The following DSCAM variants were observed in gnomAD, a reference collection of about 807,000 sequenced individuals.
DSCAM encodes DS cell adhesion molecule.
In DSCAM, 47 loss-of-function variants were observed where a neutral mutation model predicts 217.7. The ratio of observed to expected loss-of-function variants is 0.22; its 90% confidence interval spans 0.17 to 0.28. DSCAM has a LOEUF of 0.28. DSCAM is among the 10% of genes least tolerant of loss of function. The pLI, the probability that DSCAM is intolerant of heterozygous loss-of-function variation, is 1.00. For synonymous variants in DSCAM, 1,056 were observed against 1,015.3 expected (o/e 1.04, Z -0.76); for missense variants, 2,080 against 2,618.3 (o/e 0.79, Z 4.49).
intron 20 of DSCAM, among the ~76,000 whole-genome samples, chr21:40,095,923 T>C: frequency 6.6e-6 from 1 of 152,014 alleles, no homozygotes; most frequent in East Asian, 1.9e-4. Context: ...ATGCATGAAA[T>C]AAAAAATACA....
chr21:40,647,289 T>C lies in DSCAM; in HGVS notation c.508+45521A>G, dbSNP rs372958525. ...AGTTCCTGTGTGGGTGAGCACTGTT[T>C]GTATATTTATATCCTTATTTCTGGA... On this transcript the variant is annotated intron_variant, in intron 3 of 32. Coordinates refer to ENST00000400454, the MANE Select transcript of DSCAM (RefSeq NM_001389.5). Among the ~76,000 whole-genome samples the C allele has an allele frequency of 1.1e-3, 162 of 152,338 alleles. 3 individuals are homozygous for C. Among genetic ancestry groups the C allele is most frequent in the African/African-American group, 3.6e-3 (151 of 41,586 alleles).
At chr21:40,634,699 C>T (rs1031643682) in intron 3 of DSCAM, among the ~76,000 whole-genome samples, 2 of 152,172 alleles carry the variant, frequency 1.3e-5, no homozygotes, top group Non-Finnish European at 2.9e-5. Context: ...GTGTGAACTT[C>T]AGTGTATTCA....
At chr21:40,534,869 T>A (rs1568885704) in intron 3 of DSCAM, among the ~76,000 whole-genome samples, 1 of 152,192 alleles carries the variant, frequency 6.6e-6, no homozygotes, top group African/African-American at 2.4e-5. Context: ...CATGGGCGGT[T>A]GTAATGATTT....
At chr21:40,411,175 TACACACAC>T (rs902494368) in intron 3 of DSCAM, among the ~76,000 whole-genome samples, 260 of 45,136 alleles carry the variant, frequency 5.8e-3, no homozygotes, top group Non-Finnish European at 6.0e-3. Context: ...AGTAATTATA[TACACACAC>T]ACACACACAC....
chr21:40,327,900 C>T (rs1421056130), intron 8 of DSCAM, among the ~76,000 whole-genome samples: 1 of 151,930 alleles, frequency 6.6e-6, no homozygotes, highest in Admixed American at 6.6e-5. Flanking sequence ...TTTACAATAG[C>T]TACAAAAACT....
intron 1 of DSCAM, among the ~76,000 whole-genome samples, chr21:40,808,776 C>T (rs890563139): frequency 2.0e-5 from 3 of 152,118 alleles, no homozygotes; most frequent in African/African-American, 4.8e-5. Context: ...TGCCCAGGCC[C>T]ATTCTCATAA....
intron 3 of DSCAM, among the ~76,000 whole-genome samples, chr21:40,498,338 C>A (rs1473097545): frequency 6.6e-6 from 1 of 151,878 alleles, no homozygotes; most frequent in Non-Finnish European, 1.5e-5. Context: ...ATACGCCACA[C>A]CTGCTCTGCA....
chr21:40,068,014 C>T (rs1000681331), intron 27 of DSCAM, among the ~76,000 whole-genome samples: 17 of 151,968 alleles, frequency 1.1e-4, no homozygotes, highest in Admixed American at 6.6e-5. Context: ...TCAGACTTCG[C>T]GACATCTTTT....
chr21:40,298,326 C>T (rs1381654991), intron 9 of DSCAM, among the ~76,000 whole-genome samples: 3 of 151,836 alleles, frequency 2.0e-5, no homozygotes, highest in African/African-American at 7.2e-5. Context: ...CGTGATCCAC[C>T]AGCCTCAGCC....
At chr21:40,113,777 CAG>C (rs1391285216) in intron 20 of DSCAM, among the ~76,000 whole-genome samples, 5 of 152,156 alleles carry the variant, frequency 3.3e-5, no homozygotes, top group African/African-American at 9.7e-5. Context: ...AACAGACAAA[CAG>C]AGAGCCAAAT....
At chr21:40,401,364 T>C (rs772066104) in intron 3 of DSCAM, among the ~76,000 whole-genome samples, 10 of 149,672 alleles carry the variant, frequency 6.7e-5, no homozygotes, top group Non-Finnish European at 1.5e-4. Context: ...AATAATTATA[T>C]GGCTGCATAA....
chr21:40,519,982 A>C (rs984223117), intron 3 of DSCAM, among the ~76,000 whole-genome samples: 1 of 152,056 alleles, frequency 6.6e-6, no homozygotes, highest in Non-Finnish European at 1.5e-5. Flanking sequence ...CCTTCTTATA[A>C]CATTCTAGAC....
At chr21:40,583,906 T>A (rs371174571) in intron 3 of DSCAM, among the ~76,000 whole-genome samples, 1 of 140,122 alleles carries the variant, frequency 7.1e-6, no homozygotes. Context: ...TAAAGTCTAT[T>A]AAAAAAAAAA....
At chr21:40,317,753 G>C (rs540201635) in intron 8 of DSCAM, among the ~76,000 whole-genome samples, 1 of 152,072 alleles carries the variant, frequency 6.6e-6, no homozygotes, top group South Asian at 2.1e-4. Context: ...GGCTGGTCTC[G>C]AACTCCTGAC....
intron 1 of DSCAM, among the ~76,000 whole-genome samples, chr21:40,735,084 ACT>A (rs2091050027): frequency 6.6e-6 from 1 of 152,176 alleles, no homozygotes; most frequent in Non-Finnish European, 1.5e-5. Flanking sequence ...GGAATTCATT[ACT>A]CTCTGTTCTC....
chr21:40,269,289 G>A (rs556494212), intron 11 of DSCAM, among the ~76,000 whole-genome samples: 4 of 152,224 alleles, frequency 2.6e-5, no homozygotes, highest in South Asian at 2.1e-4. Context: ...TTAAGAATAC[G>A]GAAATCTTCT....
At chr21:40,204,159 T>C (rs77913773) in intron 11 of DSCAM, among the ~76,000 whole-genome samples, 1 of 152,220 alleles carries the variant, frequency 6.6e-6, no homozygotes, top group Non-Finnish European at 1.5e-5. Context: ...TTCAAAGAGA[T>C]TGCTGCTACA....
intron 3 of DSCAM, among the ~76,000 whole-genome samples, chr21:40,485,130 T>C (rs2076014300): frequency 6.6e-6 from 1 of 152,074 alleles, no homozygotes; most frequent in South Asian, 2.1e-4. Context: ...CAAGACTCAC[T>C]GAGGTCCCTT....
intron 3 of DSCAM, among the ~76,000 whole-genome samples, chr21:40,524,298 CCTTT>C (rs1324395680): frequency 1.3e-5 from 2 of 151,960 alleles, no homozygotes; most frequent in Non-Finnish European, 2.9e-5. Context: ...TTTTCCGAAA[CCTTT>C]ATTTTTCGTT....
Sources: gnomAD v4.1 joint callset for allele counts (sites outside exome capture counted in the v4.1 genomes callset) on GRCh38, gnomAD v4.1.1 for gene constraint, MANE v1.5 for transcripts, NCBI Gene and HGNC (gene_info 2026-07-23, HGNC 2026-07-21) for gene names.